Variants in CELF5 observed in about 807,000 individuals in gnomAD.
CELF5 encodes the protein CUGBP Elav-like family member 5.
CELF5 carries 6 observed loss-of-function variants against 54.9 expected under a neutral mutation model. The observed-to-expected ratio is 0.11, with a 90% CI of 0.06 to 0.22. The LOEUF (loss-of-function observed/expected upper bound fraction) is 0.22. Ranked by LOEUF, CELF5 falls within the 10% of genes least tolerant of loss-of-function variation. The probability of loss-of-function intolerance (pLI) is 1.00; values close to 1 mark genes in which losing one functional copy is unlikely to be tolerated. For missense variants in CELF5, 401 were observed against 678.6 expected (o/e 0.59, Z 4.54); for synonymous variants, 271 against 290.9 (o/e 0.93, Z 0.70).
intron 11 of CELF5, among the ~76,000 whole-genome samples, chr19:3,292,427 G>A (rs2080367205): frequency 6.6e-6 from 1 of 151,366 alleles, no homozygotes; most frequent in Admixed American, 6.6e-5. Context: ...GGGATTACGG[G>A]TGGACACTAC....
chr19:3,248,732 C>T (rs1222737021), intron 1 of CELF5, among the ~76,000 whole-genome samples: 1 of 152,086 alleles, frequency 6.6e-6, no homozygotes, highest in Non-Finnish European at 1.5e-5. Context: ...GAATATACAC[C>T]CAGACGTGGA....
chr19:3,254,778 TC>T (rs2079698545), intron 2 of CELF5, among the ~76,000 whole-genome samples: 1 of 147,700 alleles, frequency 6.8e-6, no homozygotes, highest in African/African-American at 2.5e-5. Context: ...ATCCATCTGT[TC>T]ACCCATTTGC....
intron 1 of CELF5, among the ~76,000 whole-genome samples, chr19:3,242,463 C>T (rs1286950037): frequency 6.6e-6 from 1 of 151,062 alleles, no homozygotes; most frequent in East Asian, 1.9e-4. Flanking sequence ...TTGAGGTCAG[C>T]AGTTCAAGAC....
intron 2 of CELF5, among the ~76,000 whole-genome samples, chr19:3,251,408 G>T (rs1426927738): frequency 6.6e-6 from 1 of 152,090 alleles, no homozygotes; most frequent in Non-Finnish European, 1.5e-5. Flanking sequence ...CCAAGGCCCG[G>T]GGGAGGACCA....
At chr19:3,262,618 G>A (rs1383563568) in intron 2 of CELF5, among the ~76,000 whole-genome samples, 1 of 152,090 alleles carries the variant, frequency 6.6e-6, no homozygotes, top group African/African-American at 2.4e-5. Flanking sequence ...CACAAATCTA[G>A]AGTCTAGAAT....
At chr19:3,257,566 C>T (rs947186098) in intron 2 of CELF5, among the ~76,000 whole-genome samples, 4 of 151,638 alleles carry the variant, frequency 2.6e-5, no homozygotes, top group African/African-American at 9.7e-5. Context: ...ACCTCTGCCT[C>T]CCGGGTTCAA....
At chr19:3,273,298 G>T (rs1169801582) in intron 2 of CELF5, among the ~76,000 whole-genome samples, 1 of 152,018 alleles carries the variant, frequency 6.6e-6, no homozygotes, top group East Asian at 1.9e-4. Context: ...AGCTGGGTCA[G>T]GGTGGCCTCA....
At chr19:3,289,694 A>C (rs2080311300) in intron 10 of CELF5, among the ~76,000 whole-genome samples, 1 of 116,204 alleles carries the variant, frequency 8.6e-6, no homozygotes, top group Admixed American at 8.2e-5. Context: ...AAAAAAAAAA[A>C]AAAAAAAAAA....
At position 3,271,223 on chromosome 19, in the gene CELF5, C is replaced by T. The variant is rs528369492; in HGVS notation, c.343-2649C>T. Reference sequence around the variant, plus strand: ...GGGTGGGGGGAGCAGGAGTCTGGAGCTCCTGCAGGTGCCCCCCCATCTCTC... The same window carrying T: ...GGGTGGGGGGAGCAGGAGTCTGGAGTTCCTGCAGGTGCCCCCCCATCTCTC... On this transcript the variant is annotated intron_variant, in intron 2 of 12. Transcript: ENST00000292672. Among the ~76,000 whole-genome samples, 131 of 142,392 alleles carry T rather than the reference C, an allele frequency of 9.2e-4. 3 individuals carry two copies. The East Asian group carries it at 0.024, about 27-fold the overall frequency. The allele number at this position is 142,392 out of a possible 152,430, so 93.4% of individuals were successfully genotyped here.
chr19:3,282,771 T>C lies in CELF5; in HGVS notation c.1039+273T>C, dbSNP rs772293736. Among the ~76,000 whole-genome samples the C allele has an allele frequency of 6.6e-6, 1 of 152,160 alleles. No individual in the cohort carries two copies. Among genetic ancestry groups the C allele is most frequent in the Non-Finnish European group, 1.5e-5 (1 of 68,032 alleles). ...TTTACGTCCCTGAGCCTCAGTTTGCTCATCTGGAAAATGGGGCAGATAACA... is the reference window on the plus strand; with the variant it reads ...TTTACGTCCCTGAGCCTCAGTTTGCCCATCTGGAAAATGGGGCAGATAACA... On this transcript the variant is annotated intron_variant, in intron 8 of 12. Coordinates refer to ENST00000292672, the MANE Select transcript of CELF5 (RefSeq NM_021938.4). This position sits in a 1 kb window ranked among gnomAD's most constrained non-coding sequence, Gnocchi z 5.2.
At chr19:3,254,997 C>A (rs2145077357) in intron 2 of CELF5, among the ~76,000 whole-genome samples, 2 of 152,130 alleles carry the variant, frequency 1.3e-5, no homozygotes. Context: ...TCCACCCACA[C>A]ATCCATTCAC....
At position 3,282,449 on chromosome 19, in the gene CELF5, G is replaced by C. The variant is rs35319549; in HGVS notation, c.990G>C (p.Gly330=). ...GFAGVVPFPG[G]HPALETVYAN... is the part of the protein sequence containing the mutation. ...CAGGTGTCGTGCCCTTTCCAGGTGGGCACCCTGCCCTGGAAACCGTCTATG... is the reference window on the plus strand; with the variant it reads ...CAGGTGTCGTGCCCTTTCCAGGTGGCCACCCTGCCCTGGAAACCGTCTATG... The change falls in exon 8 of 13, where the codon GGG becomes GGC. Residue 330 remains glycine, a synonymous_variant. Transcript: ENST00000292672. The surrounding 1 kb of genome is among the most constrained non-coding windows in gnomAD (Gnocchi z 5.2). The C allele has an allele frequency of 2.2e-3, 3,611 of 1,613,654 alleles. 81 individuals carry two copies. In the African/African-American group the frequency reaches 0.043, roughly 19 times the overall value.
At chr19:3,260,061 G>T (rs1014948971) in intron 2 of CELF5, among the ~76,000 whole-genome samples, 1 of 152,096 alleles carries the variant, frequency 6.6e-6, no homozygotes, top group Non-Finnish European at 1.5e-5. Flanking sequence ...TATTTCATTT[G>T]AACCCAATAT....
chr19:3,244,560 G>C (rs1490703446), intron 1 of CELF5, among the ~76,000 whole-genome samples: 1 of 149,488 alleles, frequency 6.7e-6, no homozygotes, highest in Admixed American at 6.7e-5. Flanking sequence ...CATGCATTGC[G>C]TGTGATGTGT....
intron 10 of CELF5, among the ~76,000 whole-genome samples, chr19:3,287,262 A>G (rs2080268247): frequency 6.6e-6 from 1 of 151,306 alleles, no homozygotes; most frequent in African/African-American, 2.4e-5. Flanking sequence ...CACTTAAATG[A>G]AGTTTTAAAA....
chr19:3,285,813 C>A, intron 9 of CELF5, 129 bp from the exon 10 acceptor site: 1 of 415,890 alleles, frequency 2.4e-6, no homozygotes. Context: ...CCCACAAAGG[C>A]CATGATCACA....
At chr19:3,245,464 C>T (rs2079554371) in intron 1 of CELF5, among the ~76,000 whole-genome samples, 1 of 151,078 alleles carries the variant, frequency 6.6e-6, no homozygotes, top group Non-Finnish European at 1.5e-5. Flanking sequence ...TGCAGAGCTC[C>T]CAGACCCTGG....
chr19:3,271,653 G>A (rs151183387), intron 2 of CELF5, among the ~76,000 whole-genome samples: 312 of 152,152 alleles, frequency 2.1e-3, no homozygotes, highest in African/African-American at 7.0e-3. Flanking sequence ...GAGGGGAGGG[G>A]ACCCAGAGAT....
In CELF5 at chr19:3,228,323, C is replaced by G. The variant is rs1917043015; in HGVS notation, c.259+3325C>G. On this transcript the variant is annotated intron_variant, in intron 1 of 12. Coordinates refer to ENST00000292672, the MANE Select transcript of CELF5 (RefSeq NM_021938.4). This position sits in a 1 kb window ranked among gnomAD's most constrained non-coding sequence, Gnocchi z 6.0. ...CCTCCCCCAGGAAGGACCCCCACCCCAGGCCAGGGGCTCAGGCCAAGAACT... is the reference window on the plus strand; with the variant it reads ...CCTCCCCCAGGAAGGACCCCCACCCGAGGCCAGGGGCTCAGGCCAAGAACT... 6.6e-6 allele frequency among the ~76,000 whole-genome samples: 1 copy of G among 152,148 alleles called. No homozygotes were observed. The highest frequency in any genetic ancestry group is 1.5e-5 in the Non-Finnish European group (1 of 68,008).
Sources: allele counts gnomAD v4.1 joint callset (sites outside exome capture counted in the v4.1 genomes callset), GRCh38; gene constraint gnomAD v4.1.1; non-coding constraint Gnocchi (gnomAD v3.1); transcripts MANE v1.5; gene names NCBI Gene and HGNC (gene_info 2026-07-23, HGNC 2026-07-21).